WWP1: variants seen among roughly 807,000 people sequenced by gnomAD.
The protein encoded by WWP1 is NEDD4-like E3 ubiquitin-protein ligase WWP1.
Under a neutral mutation model 130.6 loss-of-function variants are expected in WWP1, and 49 were observed. The observed-to-expected ratio is 0.38, with a 90% CI of 0.30 to 0.48. The LOEUF (loss-of-function observed/expected upper bound fraction) is 0.48, where lower values mean the gene tolerates loss of function less well. Among genes scored for constraint, WWP1 ranks in the 20% least tolerant of loss-of-function variants. The probability of loss-of-function intolerance (pLI) is 0.99; values close to 1 mark genes in which losing one functional copy is unlikely to be tolerated. For missense variants in WWP1, 809 were observed against 1,100.6 expected, an observed-to-expected ratio of 0.74 and a Z score of 3.75; for synonymous variants, 332 against 367.8, an observed-to-expected ratio of 0.90 and a Z score of 1.11.
At chr8:86,381,662 T>G in intron 5 of WWP1, 33 bp downstream of exon 5, 1 of 1,544,006 alleles carries the variant, frequency 6.5e-7, no homozygotes, top group Non-Finnish European at 8.7e-7. Flanking sequence ...TATTTCCTTA[T>G]AAGTTTATTT....
chr8:86,344,262 A>G (rs937286099), intron 1 of WWP1, among the ~76,000 whole-genome samples: 1 of 152,204 alleles, frequency 6.6e-6, no homozygotes, highest in African/African-American at 2.4e-5. Context: ...ACATTTTCAG[A>G]TAGTTCTTAC....
intron 5 of WWP1, among the ~76,000 whole-genome samples, chr8:86,384,700 CT>C (rs1825179404): frequency 6.6e-6 from 1 of 151,934 alleles, no homozygotes; most frequent in African/African-American, 2.4e-5. Context: ...GTATATTTAC[CT>C]TTAAAAAGAA....
chr8:86,392,347 C>T lies in WWP1; in HGVS notation c.335-5995C>T, dbSNP rs370820325. On this transcript the variant is annotated intron_variant, in intron 5 of 24. Transcript: ENST00000517970. ...ACACATTAGAGTATATTCAGAACTTCACTTTGTGTTTCAATTTTGAGGCGG... is the reference window on the plus strand; with the variant it reads ...ACACATTAGAGTATATTCAGAACTTTACTTTGTGTTTCAATTTTGAGGCGG... Among the ~76,000 whole-genome samples, 6 of 152,286 alleles carry T rather than the reference C, an allele frequency of 3.9e-5. No individual in the cohort carries two copies. The East Asian group carries it at 7.7e-4, about 20-fold the overall frequency.
At chr8:86,344,306 C>T (rs1187281381) in intron 1 of WWP1, among the ~76,000 whole-genome samples, 1 of 152,174 alleles carries the variant, frequency 6.6e-6, no homozygotes, top group Non-Finnish European at 1.5e-5. Context: ...AGATCTACAT[C>T]AGGGTTTTGA....
At chr8:86,430,568 C>G in intron 11 of WWP1, 129 bp from the exon 12 acceptor site, 1 of 606,788 alleles carries the variant, frequency 1.6e-6, no homozygotes, top group Non-Finnish European at 2.5e-6. Flanking sequence ...TGAGCCACTG[C>G]GCCCAACCCC....
chr8:86,350,453 C>G (rs966211900), intron 1 of WWP1, among the ~76,000 whole-genome samples: 1 of 151,770 alleles, frequency 6.6e-6, no homozygotes, highest in Non-Finnish European at 1.5e-5. Flanking sequence ...TTCATGTACA[C>G]TAAAAAACGG....
intron 6 of WWP1, 37 bp from the exon 7 acceptor site, chr8:86,398,535 A>T: frequency 6.2e-7 from 1 of 1,611,574 alleles, no homozygotes; most frequent in East Asian, 2.2e-5. Context: ...AGCAAGAAGT[A>T]TATAAAAACC....
At chr8:86,357,842 C>T (rs1586248867) in intron 1 of WWP1, among the ~76,000 whole-genome samples, 1 of 152,154 alleles carries the variant, frequency 6.6e-6, no homozygotes, top group African/African-American at 2.4e-5. Flanking sequence ...CCCTGACATA[C>T]CTCCATGGAA....
chr8:86,460,398 G>A (rs1811692400), intron 22 of WWP1, among the ~76,000 whole-genome samples: 1 of 152,136 alleles, frequency 6.6e-6, no homozygotes, highest in Admixed American at 6.6e-5. Context: ...TTAGCAGTTT[G>A]GGAAGGACAA....
intron 2 of WWP1, among the ~76,000 whole-genome samples, chr8:86,371,795 T>C (rs1586284267): frequency 6.6e-6 from 1 of 152,158 alleles, no homozygotes; most frequent in East Asian, 1.9e-4. Flanking sequence ...TTCTTTATGA[T>C]GTCCTGATGA....
At chr8:86,459,699 A>G (rs189809268) in intron 22 of WWP1, among the ~76,000 whole-genome samples, 1 of 152,246 alleles carries the variant, frequency 6.6e-6, no homozygotes, top group East Asian at 1.9e-4. Context: ...TATATACAGT[A>G]TGCATACCGT....
chr8:86,381,436 G>T, intron 4 of WWP1, 69 bp from the exon 5 acceptor site: 5 of 1,510,834 alleles, frequency 3.3e-6, no homozygotes, highest in Non-Finnish European at 2.7e-6. Flanking sequence ...GCTTTAATAG[G>T]AATTGTTACT....
At chr8:86,418,407 A>C (rs1809008576) in intron 9 of WWP1, among the ~76,000 whole-genome samples, 1 of 152,196 alleles carries the variant, frequency 6.6e-6, no homozygotes, top group African/African-American at 2.4e-5. Flanking sequence ...ATCAAGAATC[A>C]GGAAGTGCAT....
chr8:86,401,088 A>G (rs911131320), intron 7 of WWP1, among the ~76,000 whole-genome samples: 9 of 150,454 alleles, frequency 6.0e-5, no homozygotes, highest in Non-Finnish European at 7.4e-5. Flanking sequence ...AAAATGTTTG[A>G]TTTTGTTGTT....
chr8:86,441,387 T>C (rs1328647764), intron 17 of WWP1, among the ~76,000 whole-genome samples: 3 of 152,240 alleles, frequency 2.0e-5, no homozygotes, highest in Non-Finnish European at 4.4e-5. Context: ...TTCTCTACCC[T>C]TCAGGCAGTA....
chr8:86,365,191 A>T lies in WWP1; in HGVS notation c.-114-3748A>T, dbSNP rs573786413. Among the ~76,000 whole-genome samples the T allele has an allele frequency of 1.8e-4, 27 of 152,356 alleles. 1 individual carries two copies. In the Middle Eastern group the frequency reaches 0.02, roughly 115 times the overall value. ...GAAAATCTGAAATTGGGTGATAACG[A>T]ATAGTAAGAATTGGGTATTCATACT... On this transcript the variant is annotated intron_variant, in intron 1 of 24. Coordinates refer to ENST00000517970, the MANE Select transcript of WWP1 (RefSeq NM_007013.4).
intron 1 of WWP1, among the ~76,000 whole-genome samples, chr8:86,350,262 A>AT (rs1822837919): frequency 1.3e-5 from 2 of 152,162 alleles, no homozygotes; most frequent in African/African-American, 4.8e-5. Flanking sequence ...TCTTAGCAGT[A>AT]TTTTTTGTTT....
rs1822258861 is a variant in WWP1, at chr8:86,342,690, TG to T, written c.-350del. The T allele has an allele frequency of 6.3e-6, 1 of 158,832 alleles. No individual in the cohort carries two copies. Among genetic ancestry groups the T allele is most frequent in the African/African-American group, 1.5e-4 (1 of 6,598 alleles). 9.8% of individuals were successfully genotyped at this position (158,832 alleles called of 1,614,324 possible). ...CGAGGAAGGGAGGTGTGGGGTCGGC[TG>T]GGGGTGGCGCGTGGACGGGGTGGGG... On this transcript the variant is annotated 5_prime_UTR_variant, in exon 1 of 25. Transcript: ENST00000517970.
chr8:86,370,598 A>G (rs1824228820), intron 2 of WWP1, among the ~76,000 whole-genome samples: 1 of 152,106 alleles, frequency 6.6e-6, no homozygotes. Flanking sequence ...TTTCTTTTTC[A>G]ATCATGGAAT....
Sources: gnomAD v4.1 joint callset for allele counts (sites outside exome capture counted in the v4.1 genomes callset) on GRCh38, gnomAD v4.1.1 for gene constraint, MANE v1.5 for transcripts, NCBI Gene and HGNC (gene_info 2026-07-23, HGNC 2026-07-21) for gene names.